SH3RF1: variants seen among roughly 807,000 people sequenced by gnomAD.
SH3RF1 encodes E3 ubiquitin-protein ligase SH3RF1.
SH3RF1 carries 32 observed loss-of-function variants against 74.0 expected under a neutral mutation model. The ratio of observed to expected loss-of-function variants is 0.43; its 90% CI spans 0.33 to 0.58. The LOEUF (loss-of-function observed/expected upper bound fraction) is 0.58, where lower values mean the gene tolerates loss of function less well. SH3RF1 is among the 20% of genes least tolerant of loss of function. The probability of loss-of-function intolerance (pLI) is 0.05; values close to 1 mark genes in which losing one functional copy is unlikely to be tolerated. For missense variants in SH3RF1, 954 were observed against 1,130.9 expected (o/e 0.84, Z 2.24); for synonymous variants, 396 against 439.6 (o/e 0.90, Z 1.24).
At chr4:169,222,875 A>C (rs1050681719) in intron 2 of SH3RF1, among the ~76,000 whole-genome samples, 1 of 152,186 alleles carries the variant, frequency 6.6e-6, no homozygotes, top group African/African-American at 2.4e-5. Flanking sequence ...TCAGTTCTAA[A>C]ATGGCAAGTT....
chr4:169,220,529 G>A (rs1261647583), intron 2 of SH3RF1, among the ~76,000 whole-genome samples: 3 of 152,192 alleles, frequency 2.0e-5, no homozygotes, highest in Admixed American at 2.0e-4. Context: ...GGTGTTGTGG[G>A]TGGGGAACAC....
rs779914550 is a variant in SH3RF1 at position 169,120,847 on chromosome 4, G to C, written c.1489C>G (p.Pro497Ala). 1 of 1,614,112 alleles carries C rather than the reference G, an allele frequency of 6.2e-7. No individual in the cohort carries two copies. Among genetic ancestry groups the C allele is most frequent in the Non-Finnish European group, 8.5e-7 (1 of 1,180,020 alleles). Residue 497 changes from proline (P) to alanine (A), a missense_variant, in exon 8 of 12, where the codon CCT becomes GCT. Physicochemically the swap from Pro to Ala is conservative, Grantham distance 27 (BLOSUM62 -1). Transcript: ENST00000284637. ...GTGACTGGTGCCACATAATTGCCAG[G>C]GAAAACCCCTATCTTGCTGGTATGC... The part of the protein sequence containing the change: ...SMHTSKIGVF[P>A]GNYVAPVTRA...
chr4:169,113,733 C>G (rs1255108101), intron 10 of SH3RF1, among the ~76,000 whole-genome samples: 2 of 152,032 alleles, frequency 1.3e-5, no homozygotes, highest in African/African-American at 2.4e-5. Flanking sequence ...CATGGAATTA[C>G]TAAATTTATA....
At chr4:169,107,296 T>C in intron 10 of SH3RF1, 91 bp from the exon 11 acceptor site, 1 of 1,178,010 alleles carries the variant, frequency 8.5e-7, no homozygotes, top group African/African-American at 1.5e-5. Context: ...TACTACTTTT[T>C]AATTTTTAAT....
intron 2 of SH3RF1, among the ~76,000 whole-genome samples, chr4:169,244,148 T>C (rs971188852): frequency 2.0e-5 from 3 of 152,244 alleles, no homozygotes; most frequent in African/African-American, 7.2e-5. Context: ...GCTGTTCTAA[T>C]ATGTTTTAAG....
intron 2 of SH3RF1, among the ~76,000 whole-genome samples, chr4:169,188,813 G>A (rs979274841): frequency 1.3e-5 from 2 of 152,236 alleles, no homozygotes; most frequent in African/African-American, 4.8e-5. Flanking sequence ...TTTGGTGCGT[G>A]TGCTTCAAGC....
At chr4:169,135,700 A>G (rs1579100197) in intron 5 of SH3RF1, among the ~76,000 whole-genome samples, 2 of 152,318 alleles carry the variant, frequency 1.3e-5, no homozygotes, top group East Asian at 3.9e-4. Context: ...TGAATGAATG[A>G]TTGAATGAAT....
rs1193011296 is a variant in SH3RF1 at position 169,270,861 on chromosome 4, C to T, written c.-98G>A. 6.6e-6 allele frequency: 1 copy of T among 151,580 alleles called. No individual in the cohort carries two copies. The highest frequency in any genetic ancestry group is 2.4e-5 in the African/African-American group (1 of 41,218). 9.4% of individuals were successfully genotyped at this position (151,580 alleles called of 1,614,324 possible). A position where few individuals can be genotyped will look rare whatever the true frequency, so the allele number is the denominator to read the frequency against. On this transcript the variant is annotated splice_region_variant and 5_prime_UTR_variant, in exon 1 of 12. Transcript: ENST00000284637. ...CCCGCGCCGGCCGCGCGCCCTACCTCGCGCCTCGGCTCCTCCTCTTTGTTC... is the reference window on the plus strand; with the variant it reads ...CCCGCGCCGGCCGCGCGCCCTACCTTGCGCCTCGGCTCCTCCTCTTTGTTC...
At chr4:169,222,566 G>A (rs1199482032) in intron 2 of SH3RF1, among the ~76,000 whole-genome samples, 1 of 150,290 alleles carries the variant, frequency 6.7e-6, no homozygotes, top group Non-Finnish European at 1.5e-5. Context: ...CTTCCTAAGA[G>A]GAATTTAAGA....
intron 2 of SH3RF1, among the ~76,000 whole-genome samples, chr4:169,165,763 G>C (rs1167136473): frequency 6.6e-6 from 1 of 152,140 alleles, no homozygotes; most frequent in Non-Finnish European, 1.5e-5. Context: ...AAATGTAAAA[G>C]ATAGTTCATA....
chr4:169,124,613 G>A (rs1733495475), intron 6 of SH3RF1, among the ~76,000 whole-genome samples: 2 of 152,242 alleles, frequency 1.3e-5, no homozygotes, highest in African/African-American at 2.4e-5. Context: ...ATGTTTGCAT[G>A]TGTAAATTTG....
intron 2 of SH3RF1, among the ~76,000 whole-genome samples, chr4:169,223,241 C>T (rs2660410): frequency 0.46 from 70,202 of 152,070 alleles, 17,702 homozygotes; most frequent in East Asian, 0.78. Context: ...GCAATGGCCA[C>T]TAAGCATGGA....
chr4:169,215,115 T>C (rs115866392), intron 2 of SH3RF1, among the ~76,000 whole-genome samples: 1,532 of 152,292 alleles, frequency 0.01, 32 homozygotes, highest in African/African-American at 0.035. Flanking sequence ...TTTTTTCTTA[T>C]CAAGTTGAGG....
intron 6 of SH3RF1, among the ~76,000 whole-genome samples, chr4:169,128,762 G>A (rs1473255884): frequency 3.3e-5 from 5 of 152,168 alleles, no homozygotes; most frequent in Non-Finnish European, 7.3e-5. Context: ...CTCTAGCAGA[G>A]GGAAATAAAA....
chr4:169,245,106 A>T (rs1730974279), intron 2 of SH3RF1, among the ~76,000 whole-genome samples: 1 of 152,198 alleles, frequency 6.6e-6, no homozygotes, highest in Admixed American at 6.5e-5. Flanking sequence ...CCAAAATCCT[A>T]AATTGGTCTA....
At chr4:169,159,222 C>T (rs926745083) in intron 2 of SH3RF1, among the ~76,000 whole-genome samples, 6 of 152,118 alleles carry the variant, frequency 3.9e-5, no homozygotes, top group African/African-American at 1.4e-4. Flanking sequence ...GTGTCCAACT[C>T]TGGGGAAAGA....
intron 11 of SH3RF1, among the ~76,000 whole-genome samples, chr4:169,096,925 G>C (rs1265126522): frequency 6.6e-6 from 1 of 152,202 alleles, no homozygotes; most frequent in Non-Finnish European, 1.5e-5. Context: ...TCATCTGAGT[G>C]ACCTTAACAA....
At chr4:169,163,606 A>G (rs2126968980) in intron 2 of SH3RF1, among the ~76,000 whole-genome samples, 1 of 152,206 alleles carries the variant, frequency 6.6e-6, no homozygotes, top group East Asian at 1.9e-4. Context: ...CTATGTCTTT[A>G]CAATCTGGAG....
At chr4:169,269,412 C>T in intron 1 of SH3RF1, 105 bp from the exon 2 acceptor site, 1 of 569,248 alleles carries the variant, frequency 1.8e-6, no homozygotes, top group South Asian at 2.6e-5. Context: ...TACACTATTC[C>T]CTGTCTGAAT....
Sources: gnomAD v4.1 joint callset for allele counts (sites outside exome capture counted in the v4.1 genomes callset) on GRCh38, gnomAD v4.1.1 for gene constraint, MANE v1.5 for transcripts, NCBI Gene and HGNC (gene_info 2026-07-23, HGNC 2026-07-21) for gene names.